Variants in PCDHGA2 observed in about 807,000 individuals in gnomAD.
PCDHGA2 encodes protocadherin gamma-A2.
PCDHGA2 carries 40 observed loss-of-function variants against 59.2 expected under a neutral mutation model. That is an observed-to-expected ratio of 0.68 (90% CI 0.52 to 0.88). The LOEUF is 0.88. Among genes scored for constraint, PCDHGA2 ranks in the 40% least tolerant of loss-of-function variants. The pLI is 0.00. For missense variants in PCDHGA2, 1,226 were observed against 1,204.0 expected (o/e 1.02, Z -0.27); for synonymous variants, 560 against 526.0 (o/e 1.06, Z -0.89).
At chr5:141,374,701 C>T (rs781441820) in intron 1 of PCDHGA2, 2 of 1,608,962 alleles carry the variant, frequency 1.2e-6, no homozygotes, top group East Asian at 2.2e-5. Context: ...AAGGAGAAGC[C>T]GTTTACCGCC....
rs768704302 is a variant in PCDHGA2 at position 141,383,259 on chromosome 5, C to A, written c.2424+41864C>A. On this transcript the variant is annotated intron_variant, in intron 1 of 3. Coordinates refer to ENST00000394576, the MANE Select transcript of PCDHGA2 (RefSeq NM_018915.4). ...ATAAAATGAATCTTTACCCTATAGA[C>A]GTGGAAATAATAGATATTAATGACA... The A allele has an allele frequency of 5.6e-6, 9 of 1,613,810 alleles. No individual in the cohort carries two copies. In the South Asian group the frequency reaches 6.6e-5, roughly 12 times the overall value.
Position 141,490,693 on chromosome 5 carries a change from G to A in PCDHGA2, c.2425-4114G>A. On this transcript the variant is annotated intron_variant, in intron 1 of 3. Coordinates refer to ENST00000394576, the MANE Select transcript of PCDHGA2 (RefSeq NM_018915.4). This position sits in a 1 kb window ranked among gnomAD's most constrained non-coding sequence, Gnocchi z 5.4. ...GGCTGCCTCAGATCCAGACACTGGGGATAATGCCCGCCTCACCTACTCCAT... is the reference window on the plus strand; with the variant it reads ...GGCTGCCTCAGATCCAGACACTGGGAATAATGCCCGCCTCACCTACTCCAT... 1.9e-6 allele frequency: 3 copies of A among 1,614,170 alleles called. No homozygotes were observed. Among genetic ancestry groups the A allele is most frequent in the Non-Finnish European group, 2.5e-6 (3 of 1,180,018 alleles).
intron 2 of PCDHGA2, among the ~76,000 whole-genome samples, chr5:141,496,116 C>G (rs1435887981): frequency 6.6e-6 from 1 of 152,178 alleles, no homozygotes; most frequent in Middle Eastern, 3.4e-3. Flanking sequence ...TCTCTTCCTT[C>G]CCTGCCCCTC....
chr5:141,400,565 A>C (rs766459739), intron 1 of PCDHGA2: 1 of 1,612,948 alleles, frequency 6.2e-7, no homozygotes, highest in South Asian at 1.1e-5. Flanking sequence ...TTACCCACCC[A>C]ATTTTCTGTA....
chr5:141,394,613 G>A (rs1402834373), intron 1 of PCDHGA2: 1 of 1,613,570 alleles, frequency 6.2e-7, no homozygotes, highest in Admixed American at 1.7e-5. Context: ...ACTCGGGCCA[G>A]AACGCCTGGC....
At chr5:141,414,733 G>A (rs768741206) in intron 1 of PCDHGA2, 2 of 1,614,174 alleles carry the variant, frequency 1.2e-6, no homozygotes. Flanking sequence ...CGTCCTGTAT[G>A]CACTCAGATC....
chr5:141,351,049 C>T, intron 1 of PCDHGA2: 1 of 1,614,058 alleles, frequency 6.2e-7, no homozygotes, highest in Non-Finnish European at 8.5e-7. Context: ...GGGTGATGGC[C>T]ACAGACCAGG....
At position 141,477,222 on chromosome 5, in the gene PCDHGA2, C is replaced by T; in HGVS notation, c.2425-17585C>T. Reference sequence around the variant, plus strand: ...GTACCCGAGGATGCCCCTCTGGGGACTGTCATCGCTTTGCTCAGTGTGACT... The same window carrying T: ...GTACCCGAGGATGCCCCTCTGGGGATTGTCATCGCTTTGCTCAGTGTGACT... On this transcript the variant is annotated intron_variant, in intron 1 of 3. Transcript: ENST00000394576. This position sits in a 1 kb window ranked among gnomAD's most constrained non-coding sequence, Gnocchi z 4.9. 2 of 1,614,218 alleles carry T rather than the reference C, an allele frequency of 1.2e-6. No homozygotes were observed. Among genetic ancestry groups the T allele is most frequent in the South Asian group, 1.1e-5 (1 of 91,086 alleles).
rs770357830 is a variant in PCDHGA2 at position 141,392,977 on chromosome 5, A to G, written c.2424+51582A>G. On this transcript the variant is annotated intron_variant, in intron 1 of 3. Coordinates refer to ENST00000394576, the MANE Select transcript of PCDHGA2 (RefSeq NM_018915.4). ...AATATCTCCAAGGACCTGGGGCTGG[A>G]CCCCCGGAAGCTGGCGAAGCACGGA... 1.9e-6 allele frequency: 3 copies of G among 1,613,560 alleles called. No homozygotes were observed. The highest frequency in any genetic ancestry group is 4.5e-5 in the East Asian group (2 of 44,876).
At chr5:141,356,269 C>T in intron 1 of PCDHGA2, 1 of 1,562,502 alleles carries the variant, frequency 6.4e-7, no homozygotes, top group Non-Finnish European at 8.7e-7. Context: ...CAGCTCAGTC[C>T]AGGAATCTTC....
At chr5:141,364,718 T>G in intron 1 of PCDHGA2, 1 of 1,613,968 alleles carries the variant, frequency 6.2e-7, no homozygotes, top group Non-Finnish European at 8.5e-7. Flanking sequence ...TAATGATAAC[T>G]TCCCGCGTTT....
intron 1 of PCDHGA2, chr5:141,383,273 A>C: frequency 6.2e-7 from 1 of 1,613,960 alleles, no homozygotes; most frequent in Non-Finnish European, 8.5e-7. Flanking sequence ...GAAATAATAG[A>C]TATTAATGAC....
chr5:141,375,963 G>T lies in PCDHGA2; in HGVS notation c.2424+34568G>T, dbSNP rs371650654. 16 of 1,613,262 alleles carry T rather than the reference G, an allele frequency of 9.9e-6. No homozygotes were observed. Among genetic ancestry groups the T allele is most frequent in the African/African-American group, 1.3e-5 (1 of 74,938 alleles). ...GTGGGCCTGCACACGGGCGAGGTGC[G>T]CACGGCGCGCGCCCTGCTGGACAGA... On this transcript the variant is annotated intron_variant, in intron 1 of 3. Coordinates refer to ENST00000394576, the MANE Select transcript of PCDHGA2 (RefSeq NM_018915.4).
At chr5:141,342,876 T>G (rs1757221720) in intron 1 of PCDHGA2, 1 of 152,204 alleles carries the variant, frequency 6.6e-6, no homozygotes, top group Admixed American at 6.5e-5. Flanking sequence ...AAAACATCCT[T>G]ACAGTCTAGA....
intron 1 of PCDHGA2, chr5:141,410,112 C>T (rs775292594): frequency 1.9e-6 from 3 of 1,612,566 alleles, no homozygotes; most frequent in East Asian, 4.5e-5. Context: ...GACAGGGACG[C>T]AGCCCGCCAG....
At chr5:141,454,993 T>C (rs2098809479) in intron 1 of PCDHGA2, among the ~76,000 whole-genome samples, 1 of 151,290 alleles carries the variant, frequency 6.6e-6, no homozygotes, top group Non-Finnish European at 1.5e-5. Context: ...AAAATATTTT[T>C]AGTAGAGACG....
chr5:141,391,964 A>G (rs917564747), intron 1 of PCDHGA2: 3 of 152,232 alleles, frequency 2.0e-5, no homozygotes, highest in Non-Finnish European at 2.9e-5. Flanking sequence ...AAACAATGTA[A>G]ATAAAATAGC....
intron 1 of PCDHGA2, chr5:141,395,398 T>C (rs976008795): frequency 1.2e-6 from 1 of 863,780 alleles, no homozygotes; most frequent in East Asian, 2.8e-5. Context: ...TGAACTCTAA[T>C]AGTCATAGGT....
rs777682402 is a variant in PCDHGA2, at chr5:141,338,927, C to G, written c.-45C>G. 3.3e-6 allele frequency: 5 copies of G among 1,519,746 alleles called. No individual in the cohort carries two copies. The highest frequency in any genetic ancestry group is 3.5e-6 in the Non-Finnish European group (4 of 1,134,054). The allele number at this position is 1,519,746 out of a possible 1,614,324, so 94.1% of individuals were successfully genotyped here. On this transcript the variant is annotated 5_prime_UTR_variant, in exon 1 of 4. Coordinates refer to ENST00000394576, the MANE Select transcript of PCDHGA2 (RefSeq NM_018915.4). ...TGAGGAATAAAGATTGGAATCCGCA[C>G]TGGATGCTGGAAGTTGACTCGGAGA...
Sources: allele counts gnomAD v4.1 joint callset (sites outside exome capture counted in the v4.1 genomes callset), GRCh38; gene constraint gnomAD v4.1.1; non-coding constraint Gnocchi (gnomAD v3.1); transcripts MANE v1.5; gene names NCBI Gene and HGNC (gene_info 2026-07-23, HGNC 2026-07-21).